The following POLG variants were observed in gnomAD, a reference collection of about 807,000 sequenced individuals.
POLG encodes the protein DNA polymerase gamma, catalytic subunit, also known as DNA polymerase subunit gamma-1.
POLG carries 110 observed loss-of-function variants against 155.4 expected under a neutral mutation model. The observed-to-expected ratio is 0.71, with a 90% CI of 0.61 to 0.83. The LOEUF (loss-of-function observed/expected upper bound fraction) is 0.83. POLG is among the 40% of genes least tolerant of loss of function. The pLI is 0.00. For missense variants in POLG, 1,685 were observed against 1,627.5 expected (o/e 1.04, Z -0.61); for synonymous variants, 701 against 631.5 (o/e 1.11, Z -1.65).
At position 89,316,589 on chromosome 15, in the gene POLG, C is replaced by T. The variant is rs1481383618; in HGVS notation, c.*162G>A. 1 of 1,111,334 alleles carries T rather than the reference C, an allele frequency of 9.0e-7. No individual in the cohort carries two copies. The highest frequency in any genetic ancestry group is 2.0e-4 in the Middle Eastern group (1 of 5,116). The allele number at this position is 1,111,334 out of a possible 1,614,324, so 68.8% of individuals were successfully genotyped here. On this transcript the variant is annotated 3_prime_UTR_variant, in exon 23 of 23. Transcript: ENST00000268124. ...GTTCTGAACCCACTGAATTCAACTGCACCTTCAGTTAGAAGGAATCTTCTT... is the reference window on the plus strand; with the variant it reads ...GTTCTGAACCCACTGAATTCAACTGTACCTTCAGTTAGAAGGAATCTTCTT...
In POLG at chr15:89,333,501, T is replaced by C; in HGVS notation, c.254A>G (p.Glu85Gly). 1 of 1,612,798 alleles carries C rather than the reference T, an allele frequency of 6.2e-7. No homozygotes were observed. The highest frequency in any genetic ancestry group is 8.5e-7 in the Non-Finnish European group (1 of 1,179,688). Reference protein sequence around the residue: ...DIQMLSRGLHEQIFGQGGEMP... With the variant: ...DIQMLSRGLHGQIFGQGGEMP... ...CTCCCCTCCTTGCCCGAAGATTTGC[T>C]CGTGCAGCCCTCTCGAGAGCATCTG... The change falls in exon 2 of 23, where the codon GAG becomes GGG. Residue 85 changes from glutamate (E) to glycine (G), a missense_variant. By Grantham distance (98) the Glu-to-Gly change is moderately conservative. Around this residue, in one of 3 missense-constraint regions of POLG, gnomAD observed 1,210 missense variants for 1,167.1 expected, o/e 1.04. Coordinates refer to ENST00000268124, the MANE Select transcript of POLG (RefSeq NM_002693.3).
chr15:89,316,444 G>T lies in POLG; in HGVS notation c.*307C>A, dbSNP rs776908468. The T allele has an allele frequency of 8.1e-6, 13 of 1,611,048 alleles. No individual in the cohort carries two copies. Among genetic ancestry groups the T allele is most frequent in the Non-Finnish European group, 1.1e-5 (13 of 1,178,170 alleles). ...GACAGAACAAAGAACCAGCCAAGAAGAAAAGGAAAAAATAAATGAAATGCC... is the reference window on the plus strand; with the variant it reads ...GACAGAACAAAGAACCAGCCAAGAATAAAAGGAAAAAATAAATGAAATGCC... On this transcript the variant is annotated 3_prime_UTR_variant, in exon 23 of 23. Transcript: ENST00000268124.
chr15:89,333,623 CTGCT>C lies in POLG; in HGVS notation c.128_131del (p.Gln43ArgfsTer222), dbSNP rs771221761. ...GCTGCTGCTGCTGCTGCTGCTGCTG[CTGCT>C]GCCGCCGCCGCTGCCCGTCGCTGGG... On this transcript the variant is annotated frameshift_variant, in exon 2 of 23. Coordinates refer to ENST00000268124, the MANE Select transcript of POLG (RefSeq NM_002693.3). LOFTEE classifies it high-confidence loss of function. 3.1e-6 allele frequency: 5 copies of C among 1,599,468 alleles called. No individual in the cohort carries two copies. The highest frequency in any genetic ancestry group is 2.7e-5 in the African/African-American group (2 of 74,662).
Position 89,316,805 on chromosome 15 carries a change from C to G in POLG, c.3666G>C (p.Gln1222His), listed in dbSNP as rs770992948. 1.9e-6 allele frequency: 3 copies of G among 1,613,802 alleles called. No homozygotes were observed. Among genetic ancestry groups the G allele is most frequent in the South Asian group, 1.1e-5 (1 of 91,074 alleles). ...IPQGEALDIYQIIELTKGSLE... is the reference protein window; with the variant it reads ...IPQGEALDIYHIIELTKGSLE... ...AGGAGCCTTTGGTGAGTTCAATTAT[C>G]TGGTAAATATCCAGCGCTTCACCTG... The change falls in exon 23 of 23, where the codon CAG becomes CAC. Residue 1222 changes from glutamine (Q) to histidine (H), a missense_variant. Gln to His is a conservative substitution (Grantham distance 24). This residue lies in a region of POLG where 470 missense variants were observed against 439.9 expected (regional missense o/e 1.07). Transcript: ENST00000268124.
In POLG at chr15:89,333,717, G is replaced by C. The variant is rs1199924512; in HGVS notation, c.38C>G (p.Thr13Ser). Reference sequence around the variant, plus strand: ...AGCTGGAACCGGCCCTGGCCCGACGGTGGCGCCGGCCACCTTCCTCCAGAG... The same window carrying C: ...AGCTGGAACCGGCCCTGGCCCGACGCTGGCGCCGGCCACCTTCCTCCAGAG... ...RLLWRKVAGATVGPGPVPAPG... is the reference protein window; with the variant it reads ...RLLWRKVAGASVGPGPVPAPG... The change falls in exon 2 of 23, where the codon ACC (threonine) becomes AGC (serine). Residue 13 changes from threonine to serine, a missense_variant. Thr to Ser is a moderately conservative substitution (Grantham distance 58). Coordinates refer to ENST00000268124, the MANE Select transcript of POLG (RefSeq NM_002693.3). The C allele has an allele frequency of 7.8e-6, 12 of 1,536,722 alleles. No individual in the cohort carries two copies. The highest frequency in any genetic ancestry group is 1.0e-5 in the Non-Finnish European group (12 of 1,147,080).
At chr15:89,320,145 G>C (rs1167098577) in intron 18 of POLG, among the ~76,000 whole-genome samples, 2 of 152,216 alleles carry the variant, frequency 1.3e-5, no homozygotes, top group Admixed American at 6.5e-5. Flanking sequence ...ACTTTTAGTT[G>C]TTGACGAGAA....
chr15:89,316,986 C>A, intron 22 of POLG, 159 bp from the exon 23 acceptor site: 3 of 667,684 alleles, frequency 4.5e-6, no homozygotes, highest in Non-Finnish European at 8.1e-6. Context: ...GGTCTGTTTT[C>A]TTTTTATATA....
rs780519305 is a variant in POLG, at chr15:89,327,365, C to G, written c.1251-16G>C. ...GTGGGGACACCTTGGAGGCAAACAC[C>G]AGGAGCTGCCATAAATGACCACAGG... is the stretch of plus-strand genomic sequence containing the variant. On this transcript the variant is annotated splice_polypyrimidine_tract_variant and intron_variant, in intron 6 of 22. Transcript: ENST00000268124. 6.2e-7 allele frequency: 1 copy of G among 1,610,238 alleles called. No individual in the cohort carries two copies. Among genetic ancestry groups the G allele is most frequent in the South Asian group, 1.1e-5 (1 of 90,980 alleles).
intron 4 of POLG, 54 bp from the exon 5 acceptor site, chr15:89,328,885 G>T: frequency 1.2e-6 from 2 of 1,613,950 alleles, no homozygotes; most frequent in Non-Finnish European, 1.7e-6. Flanking sequence ...GGGCCAGACG[G>T]GCTGGTGAGA....
At position 89,323,409 on chromosome 15, in the gene POLG, G is replaced by C. The variant is rs2055426520; in HGVS notation, c.2260C>G (p.His754Asp). ...GGCCATGACCCAGGACACACCTTGT[G>C]AGGCAGCTTGAAAAACCAGCAGCCA... ...IPGCWFFKLPHKDGNSCNVGS... is the reference protein window; with the variant it reads ...IPGCWFFKLPDKDGNSCNVGS... Residue 754 changes from histidine (H) to aspartate (D), a missense_variant, in exon 13 of 23, where the codon CAC becomes GAC. Around this residue, in one of 3 missense-constraint regions of POLG, gnomAD observed 1,210 missense variants for 1,167.1 expected, o/e 1.04. Transcript: ENST00000268124. The C allele has an allele frequency of 6.2e-7, 1 of 1,604,530 alleles. No homozygotes were observed. The highest frequency in any genetic ancestry group is 1.3e-5 in the African/African-American group (1 of 74,738).
intron 12 of POLG, 143 bp downstream of exon 12, chr15:89,323,672 C>A (rs1212475430): frequency 2.4e-6 from 2 of 831,784 alleles, no homozygotes; most frequent in South Asian, 1.4e-5. Flanking sequence ...TGCTCCAACA[C>A]GTGTGGGGCC....
rs571319491 is a variant in POLG, at chr15:89,320,927, G to A, written c.2820C>T (p.Gly940=). 6 of 1,613,912 alleles carry A rather than the reference G, an allele frequency of 3.7e-6. No individual in the cohort carries two copies. The East Asian group carries it at 1.1e-4, about 30-fold the overall frequency. ...DLHSKTATTV[G]ISREHAKIFN... is the part of the protein sequence containing the mutation. ...AGATTTTGGCATGCTCACGGCTGAT[G>A]CCCACAGTAGTGGCTGTCTTACTGT... The change falls in exon 18 of 23, where the codon GGC becomes GGT. Residue 940 remains glycine, a synonymous_variant. Transcript: ENST00000268124.
rs761909257 is a variant in POLG, at chr15:89,333,588, GGCTGCTGTTGCT to G, written c.155_166del (p.Gln52_Gln55del). 1.9e-5 allele frequency: 30 copies of G among 1,604,770 alleles called. No homozygotes were observed. Among genetic ancestry groups the G allele is most frequent in the Non-Finnish European group, 2.2e-5 (26 of 1,176,638 alleles). On this transcript the variant is annotated inframe_deletion, in exon 2 of 23. Coordinates refer to ENST00000268124, the MANE Select transcript of POLG (RefSeq NM_002693.3). ...CGAGGATAGCACTTGCGGCTGCTGAGGCTGCTGTTGCTGCTGCTGCTGCTGCTGCTGCTGCTG... is the reference window on the plus strand; with the variant it reads ...CGAGGATAGCACTTGCGGCTGCTGAGGCTGCTGCTGCTGCTGCTGCTGCTG...
rs761649878 is a variant in POLG at position 89,318,738 on chromosome 15, G to C, written c.3285C>G (p.Ser1095Arg). The part of the protein sequence containing the change: ...PSAVQEEFMT[S>R]RVNWVVQSSA... ...AGCTCTGTACCACCCAATTCACACGGCTGGTCATAAACTGGGAAGGGAAGG... is the reference window on the plus strand; with the variant it reads ...AGCTCTGTACCACCCAATTCACACGCCTGGTCATAAACTGGGAAGGGAAGG... The change falls in exon 21 of 23, where the codon AGC becomes AGG. Residue 1095 changes from serine (S) to arginine (R), a missense_variant. Physicochemically the swap from Ser to Arg is moderately radical, Grantham distance 110. Around this residue, in one of 3 missense-constraint regions of POLG, gnomAD observed 470 missense variants for 439.9 expected, o/e 1.07. Transcript: ENST00000268124. The C allele has an allele frequency of 5.6e-6, 9 of 1,613,936 alleles. No homozygotes were observed. The highest frequency in any genetic ancestry group is 1.3e-5 in the African/African-American group (1 of 75,040).
At chr15:89,318,896 G>A (rs757458819) in intron 20 of POLG, 35 bp downstream of exon 20, 35 of 1,612,408 alleles carry the variant, frequency 2.2e-5, no homozygotes, top group Non-Finnish European at 2.8e-5. Flanking sequence ...CCTCCCTGGG[G>A]CCCCTCTGCC....
chr15:89,317,515 C>T lies in POLG; in HGVS notation c.3504G>A (p.Leu1168=), dbSNP rs1379190546. ...LLTRCMFAYK[L]GLNDLPQSVA... ...CTGACTGGGGCAAGTCATTCAGACC[C>T]AGCTTGTAGGCAAACATGCACCTGA... Residue 1168 remains leucine (L), a synonymous_variant, in exon 22 of 23, where the codon CTG becomes CTA. Coordinates refer to ENST00000268124, the MANE Select transcript of POLG (RefSeq NM_002693.3). 1 of 1,614,166 alleles carries T rather than the reference C, an allele frequency of 6.2e-7. No individual in the cohort carries two copies.
At chr15:89,325,129 A>T (rs1567189452) in intron 10 of POLG, among the ~76,000 whole-genome samples, 20 of 69,346 alleles carry the variant, frequency 2.9e-4, no homozygotes, top group East Asian at 1.8e-3. Flanking sequence ...TGAGTGAGTG[A>T]GAGAGTGAGT....
At position 89,333,904 on chromosome 15, in the gene POLG, AC is replaced by A; in HGVS notation, c.-151del. 1.2e-6 allele frequency: 1 copy of A among 841,210 alleles called. No individual in the cohort carries two copies. Among genetic ancestry groups the A allele is most frequent in the Admixed American group, 2.3e-5 (1 of 43,132 alleles). The allele number at this position is 841,210 out of a possible 1,614,324, so 52.1% of individuals were successfully genotyped here. ...ATGGGTTTGACCATGCCTGCCTTCC[AC>A]CCCAAATCCTAAAGGAGACAGATGA... is the stretch of plus-strand genomic sequence containing the variant. On this transcript the variant is annotated 5_prime_UTR_variant, in exon 2 of 23. Transcript: ENST00000268124.
In POLG at chr15:89,333,696, G is replaced by A; in HGVS notation, c.59C>T (p.Pro20Leu). The part of the protein sequence containing the change: ...AGATVGPGPV[P>L]APGRWVSSSV... ...GCTGGAGACCCAGCGCCCCGGAGCT[G>A]GAACCGGCCCTGGCCCGACGGTGGC... Residue 20 changes from proline (P) to leucine (L), a missense_variant, in exon 2 of 23, where the codon CCA (proline) becomes CTA (leucine). By Grantham distance (98) the Pro-to-Leu change is moderately conservative (BLOSUM62 -3). Coordinates refer to ENST00000268124, the MANE Select transcript of POLG (RefSeq NM_002693.3). 6.5e-7 allele frequency: 1 copy of A among 1,541,852 alleles called. No individual in the cohort carries two copies. Among genetic ancestry groups the A allele is most frequent in the Non-Finnish European group, 8.7e-7 (1 of 1,149,502 alleles).
Sources: gnomAD v4.1 joint callset for allele counts (sites outside exome capture counted in the v4.1 genomes callset) on GRCh38, gnomAD v4.1.1 for gene constraint, gnomAD v4.1.1 regional missense constraint, MANE v1.5 for transcripts, NCBI Gene and HGNC (gene_info 2026-07-23, HGNC 2026-07-21) for gene names.